Variants in PSD3 observed in about 807,000 individuals in gnomAD.
PSD3 encodes the protein pleckstrin and Sec7 domain containing 3.
In PSD3, 49 loss-of-function variants were observed where a neutral mutation model predicts 105.5. The observed-to-expected ratio is 0.46, with a 90% CI of 0.37 to 0.59. PSD3 has a LOEUF of 0.59. Ranked by LOEUF, PSD3 falls within the 20% of genes least tolerant of loss-of-function variation. The pLI, the probability that PSD3 is intolerant of heterozygous loss-of-function variation, is 0.00. For synonymous variants in PSD3, 557 were observed against 457.8 expected (o/e 1.22, Z -2.77); for missense variants, 1,561 against 1,263.8 (o/e 1.24, Z -3.57).
Position 18,768,926 on chromosome 8 carries a change from A to G in PSD3, c.2083-3388T>C, listed in dbSNP as rs1001442594. On this transcript the variant is annotated intron_variant, in intron 8 of 15. Transcript: ENST00000327040. ...CTAACTTATTTAGTAGATATTTCTC[A>G]TAAGTTAAATAAATTAAATCTGCAG... 1.5e-4 allele frequency among the ~76,000 whole-genome samples: 23 copies of G among 152,332 alleles called. No individual in the cohort carries two copies. In the East Asian group the frequency reaches 2.5e-3, roughly 17 times the overall value.
chr8:18,608,981 T>C (rs1805059363), intron 11 of PSD3, among the ~76,000 whole-genome samples: 1 of 152,218 alleles, frequency 6.6e-6, no homozygotes, highest in Admixed American at 6.5e-5. Context: ...CTGGGTGCCC[T>C]GATCATCTTT....
chr8:19,074,577 C>T (rs11204018), intron 1 of PSD3, among the ~76,000 whole-genome samples: 91,111 of 124,960 alleles, frequency 0.73, 33,680 homozygotes, highest in East Asian at 0.82. Flanking sequence ...TATAATTTTA[C>T]AACTCAGATA....
intron 2 of PSD3, among the ~76,000 whole-genome samples, chr8:18,912,128 A>G (rs1820262796): frequency 6.6e-6 from 1 of 152,192 alleles, no homozygotes; most frequent in African/African-American, 2.4e-5. Context: ...GGGCCTACCA[A>G]AATGTCCATC....
intron 1 of PSD3, among the ~76,000 whole-genome samples, chr8:19,051,654 C>G (rs1462354098): frequency 6.6e-6 from 1 of 152,170 alleles, no homozygotes; most frequent in South Asian, 2.1e-4. Flanking sequence ...CAGTAACTAC[C>G]TGCAGAACGA....
chr8:18,564,038 G>A (rs1041427845), intron 14 of PSD3, among the ~76,000 whole-genome samples: 6 of 151,870 alleles, frequency 4.0e-5, no homozygotes, highest in Non-Finnish European at 5.9e-5. Flanking sequence ...TAACAGTGCT[G>A]AACTCGTTTA....
At chr8:18,667,657 C>A (rs1280330341) in intron 9 of PSD3, among the ~76,000 whole-genome samples, 1 of 152,358 alleles carries the variant, frequency 6.6e-6, no homozygotes, top group African/African-American at 2.4e-5. Flanking sequence ...CAGAGCTGCC[C>A]GCCAGTCCCG....
chr8:18,930,372 G>T (rs562581237), intron 2 of PSD3, among the ~76,000 whole-genome samples: 3 of 152,264 alleles, frequency 2.0e-5, no homozygotes, highest in South Asian at 2.1e-4. Flanking sequence ...TACCACTTGT[G>T]TTATTCATTC....
upstream of PSD3, among the ~76,000 whole-genome samples, chr8:19,018,585 T>C (rs777132609): frequency 5.3e-5 from 8 of 152,190 alleles, no homozygotes; most frequent in Non-Finnish European, 1.0e-4. Flanking sequence ...GATATGTAGA[T>C]GTGTGTGTAC....
Position 18,615,044 on chromosome 8 carries a change from T to C in PSD3, c.2411-14610A>G, listed in dbSNP as rs578121028. Among the ~76,000 whole-genome samples, 58 of 152,314 alleles carry C rather than the reference T, an allele frequency of 3.8e-4. 2 individuals are homozygous for C. In the South Asian group the frequency reaches 5.8e-3, roughly 15 times the overall value. ...AACAAAAATTTCCTGAAATTCAATG[T>C]TAGATATGAATTCTAAATTTCTTTT... On this transcript the variant is annotated intron_variant, in intron 11 of 15. Transcript: ENST00000327040.
At chr8:18,637,108 T>C (rs1261782078) in intron 10 of PSD3, among the ~76,000 whole-genome samples, 1 of 152,180 alleles carries the variant, frequency 6.6e-6, no homozygotes, top group Non-Finnish European at 1.5e-5. Flanking sequence ...TCAGTAAACA[T>C]ATAAAAGAGT....
At chr8:18,562,184 G>A (rs1380458532) in intron 14 of PSD3, among the ~76,000 whole-genome samples, 1 of 152,092 alleles carries the variant, frequency 6.6e-6, no homozygotes, top group Non-Finnish European at 1.5e-5. Flanking sequence ...TAAGAAGAGG[G>A]AACAGCCACA....
chr8:18,877,091 T>A (rs1229120340), intron 2 of PSD3, among the ~76,000 whole-genome samples: 1 of 152,214 alleles, frequency 6.6e-6, no homozygotes, highest in East Asian at 1.9e-4. Context: ...ACTTTGCAAA[T>A]GTTTTCTACC....
At chr8:19,078,623 A>G (rs938645734) in intron 1 of PSD3, among the ~76,000 whole-genome samples, 4 of 151,840 alleles carry the variant, frequency 2.6e-5, no homozygotes, top group Admixed American at 2.6e-4. Context: ...CATCTTCAGG[A>G]TCTCAGCACC....
intron 10 of PSD3, among the ~76,000 whole-genome samples, chr8:18,636,534 C>T (rs549702622): frequency 4.6e-5 from 7 of 152,152 alleles, no homozygotes; most frequent in Non-Finnish European, 1.0e-4. Flanking sequence ...GTCTACAGTA[C>T]TGTGTAGTAA....
intron 9 of PSD3, among the ~76,000 whole-genome samples, chr8:18,710,822 C>A (rs1802207290): frequency 6.6e-6 from 1 of 152,030 alleles, no homozygotes; most frequent in African/African-American, 2.4e-5. Flanking sequence ...GCTGGGATTA[C>A]AGGTGCCTGC....
intron 2 of PSD3, among the ~76,000 whole-genome samples, chr8:18,919,207 G>T (rs1261433951): frequency 6.6e-6 from 1 of 152,082 alleles, no homozygotes; most frequent in East Asian, 1.9e-4. Context: ...AGCAGTGTTT[G>T]TTCTACCCTT....
At chr8:18,953,805 A>T (rs1000506198) in intron 1 of PSD3, among the ~76,000 whole-genome samples, 6 of 152,176 alleles carry the variant, frequency 3.9e-5, no homozygotes, top group African/African-American at 1.4e-4. Flanking sequence ...AATACAGTGG[A>T]GCAATTTTTT....
chr8:18,800,273 T>C (rs1426186088), intron 7 of PSD3, among the ~76,000 whole-genome samples: 1 of 152,190 alleles, frequency 6.6e-6, no homozygotes, highest in Non-Finnish European at 1.5e-5. Context: ...CATTCTCTTG[T>C]CAGGGCTAAT....
chr8:18,728,625 T>G (rs1222127270), intron 9 of PSD3, among the ~76,000 whole-genome samples: 1 of 152,190 alleles, frequency 6.6e-6, no homozygotes, highest in Non-Finnish European at 1.5e-5. Context: ...CCAAAGCTGC[T>G]GGGGTGGGCA....
Sources: allele counts gnomAD v4.1 joint callset (sites outside exome capture counted in the v4.1 genomes callset), GRCh38; gene constraint gnomAD v4.1.1; transcripts MANE v1.5; gene names NCBI Gene and HGNC (gene_info 2026-07-23, HGNC 2026-07-21).